The following CCDC141 variants were observed in gnomAD, a reference collection of about 807,000 sequenced individuals.
CCDC141 encodes the protein coiled-coil domain containing 141, also known as coiled-coil domain-containing protein 141.
CCDC141 carries 168 observed loss-of-function variants against 181.0 expected under a neutral mutation model. The ratio of observed to expected loss-of-function variants is 0.93; its 90% CI spans 0.82 to 1.05. The LOEUF (loss-of-function observed/expected upper bound fraction) is 1.05, where lower values mean the gene tolerates loss of function less well. CCDC141 is among the 50% of genes least tolerant of loss of function. The pLI, the probability that CCDC141 is intolerant of heterozygous loss-of-function variation, is 0.00. For missense variants in CCDC141, 1,902 were observed against 1,788.5 expected, an observed-to-expected ratio of 1.06 and a Z score of -1.14; for synonymous variants, 666 against 642.3, an observed-to-expected ratio of 1.04 and a Z score of -0.56.
chr2:179,016,837 T>C (rs891089602), intron 2 of CCDC141, among the ~76,000 whole-genome samples: 2 of 152,070 alleles, frequency 1.3e-5, no homozygotes, highest in African/African-American at 4.8e-5. Context: ...CAGAGTAGGC[T>C]GGGCTTTATG....
chr2:178,891,481 A>T (rs1687145479), intron 8 of CCDC141, among the ~76,000 whole-genome samples: 1 of 152,054 alleles, frequency 6.6e-6, no homozygotes, highest in South Asian at 2.1e-4. Flanking sequence ...CTCCTCTAAA[A>T]TTTCACTTTG....
chr2:178,915,490 A>G (rs1407752806), intron 7 of CCDC141, among the ~76,000 whole-genome samples: 1 of 152,272 alleles, frequency 6.6e-6, no homozygotes, highest in East Asian at 1.9e-4. Flanking sequence ...TTGACATAGA[A>G]ATTGAAAAAG....
chr2:178,999,701 A>G (rs899929013), intron 2 of CCDC141, among the ~76,000 whole-genome samples: 2 of 151,788 alleles, frequency 1.3e-5, no homozygotes, highest in Non-Finnish European at 2.9e-5. Flanking sequence ...TGACACTCCT[A>G]TGGTCTATCA....
chr2:179,044,785 C>T (rs2043432722), intron 2 of CCDC141, among the ~76,000 whole-genome samples: 1 of 152,114 alleles, frequency 6.6e-6, no homozygotes, highest in African/African-American at 2.4e-5. Context: ...TCAGAAACTT[C>T]AAGTAAGTAT....
chr2:178,850,241 C>G (rs890625147), intron 20 of CCDC141, 80 bp from the exon 21 acceptor site: 2 of 730,526 alleles, frequency 2.7e-6, no homozygotes, highest in East Asian at 5.1e-5. Context: ...ATTCATCTCC[C>G]TGTCCAGTGT....
chr2:179,038,264 CA>C (rs1261684344), intron 2 of CCDC141, among the ~76,000 whole-genome samples: 1 of 152,112 alleles, frequency 6.6e-6, no homozygotes, highest in Non-Finnish European at 1.5e-5. Flanking sequence ...AAGTCAGGCA[CA>C]AAAGGACAAA....
At chr2:178,994,640 G>T (rs1405865938) in intron 2 of CCDC141, among the ~76,000 whole-genome samples, 2 of 152,188 alleles carry the variant, frequency 1.3e-5, no homozygotes, top group Non-Finnish European at 2.9e-5. Flanking sequence ...CAGCCAACTT[G>T]AATCTCTTCT....
chr2:178,827,504 C>G (rs189878325), downstream of CCDC141, among the ~76,000 whole-genome samples: 130 of 152,242 alleles, frequency 8.5e-4, no homozygotes, highest in Non-Finnish European at 1.1e-3. Flanking sequence ...TTTCCTTCCC[C>G]CTCCCTCGAC....
At chr2:178,976,971 T>C (rs541457031) in intron 3 of CCDC141, among the ~76,000 whole-genome samples, 2 of 152,318 alleles carry the variant, frequency 1.3e-5, no homozygotes, top group East Asian at 3.9e-4. Context: ...CCTAAAGTTC[T>C]GTTTACTTTT....
At chr2:178,871,875 T>G (rs1471350428) in intron 13 of CCDC141, among the ~76,000 whole-genome samples, 1 of 152,138 alleles carries the variant, frequency 6.6e-6, no homozygotes, top group East Asian at 1.9e-4. Context: ...CAGAACTTGT[T>G]TATCATCCCA....
intron 11 of CCDC141, among the ~76,000 whole-genome samples, chr2:178,884,150 A>G (rs1686758741): frequency 1.3e-5 from 2 of 152,022 alleles, no homozygotes; most frequent in African/African-American, 4.8e-5. Context: ...TTGTGCATAT[A>G]CCACAGTATC....
chr2:179,041,235 C>T (rs111471976), intron 2 of CCDC141, among the ~76,000 whole-genome samples: 5,076 of 152,162 alleles, frequency 0.033, 96 homozygotes, highest in South Asian at 0.058. Flanking sequence ...GGACTACAGG[C>T]GCCCACCACC....
chr2:178,952,075 A>G (rs1689973620), intron 5 of CCDC141, among the ~76,000 whole-genome samples: 1 of 152,238 alleles, frequency 6.6e-6, no homozygotes, highest in African/African-American at 2.4e-5. Context: ...GGAGGGGAAA[A>G]TTGGTTTTTG....
chr2:178,918,733 AT>A lies in CCDC141; in HGVS notation c.1071del (p.Glu357AspfsTer28). ...CTGACCTTGTTAGCACTGTTAAAAA[AT>A]TCATTCGCCTTCTTTAACCAGGTAT... ...ERNTWLKKAN[E>X]FFNSANKAFD... is the part of the protein sequence containing the mutation. On this transcript the variant is annotated frameshift_variant, in exon 7 of 24. Coordinates refer to ENST00000443758, the MANE Select transcript of CCDC141 (RefSeq NM_173648.4). LOFTEE classifies it high-confidence loss of function. The A allele has an allele frequency of 1.3e-6, 2 of 1,550,520 alleles. No homozygotes were observed. Among genetic ancestry groups the A allele is most frequent in the Non-Finnish European group, 1.7e-6 (2 of 1,146,944 alleles).
intron 20 of CCDC141, among the ~76,000 whole-genome samples, chr2:178,851,737 C>G (rs1685173568): frequency 6.6e-6 from 1 of 152,210 alleles, no homozygotes; most frequent in South Asian, 2.1e-4. Context: ...TTATGTCCTT[C>G]TCACTCCATT....
chr2:178,839,266 A>G (rs1049518772), intron 22 of CCDC141, among the ~76,000 whole-genome samples: 1 of 152,092 alleles, frequency 6.6e-6, no homozygotes, highest in South Asian at 2.1e-4. Context: ...GCAAAAAATT[A>G]GCCAGGCGTG....
At chr2:179,016,873 AG>A (rs1271336728) in intron 2 of CCDC141, among the ~76,000 whole-genome samples, 1 of 152,050 alleles carries the variant, frequency 6.6e-6, no homozygotes, top group Non-Finnish European at 1.5e-5. Flanking sequence ...ATATTTCTGA[AG>A]GGTAAAAGGT....
At chr2:178,981,681 T>TAG (rs1475555962) in intron 2 of CCDC141, among the ~76,000 whole-genome samples, 3 of 127,254 alleles carry the variant, frequency 2.4e-5, no homozygotes, top group South Asian at 5.3e-4. Flanking sequence ...CATATATATA[T>TAG]ATAGAGAGAG....
chr2:178,892,674 G>A (rs1687212795), intron 8 of CCDC141, among the ~76,000 whole-genome samples: 1 of 152,094 alleles, frequency 6.6e-6, no homozygotes, highest in African/African-American at 2.4e-5. Flanking sequence ...CACCTGAACG[G>A]CAGGTGGTCT....
Sources: allele counts gnomAD v4.1 joint callset (sites outside exome capture counted in the v4.1 genomes callset), GRCh38; gene constraint gnomAD v4.1.1; transcripts MANE v1.5; gene names NCBI Gene and HGNC (gene_info 2026-07-23, HGNC 2026-07-21).